HMGA2: variants seen among roughly 807,000 people sequenced by gnomAD.
HMGA2 encodes high mobility group AT-hook 2.
In HMGA2, 8 loss-of-function variants were observed where a neutral mutation model predicts 19.1. The ratio of observed to expected loss-of-function variants is 0.42; its 90% confidence interval spans 0.25 to 0.76. HMGA2 has a LOEUF of 0.76. Among genes scored for constraint, HMGA2 ranks in the 30% least tolerant of loss-of-function variants. The pLI, the probability that HMGA2 is intolerant of heterozygous loss-of-function variation, is 0.28. For synonymous variants in HMGA2, 60 were observed against 48.8 expected (o/e 1.23, Z -0.96); for missense variants, 109 against 136.3 (o/e 0.80, Z 1.00).
At chr12:65,853,261 C>A (rs1360584434) in intron 3 of HMGA2, among the ~76,000 whole-genome samples, 1 of 152,148 alleles carries the variant, frequency 6.6e-6, no homozygotes, top group Non-Finnish European at 1.5e-5. Flanking sequence ...TGAATACTTA[C>A]ATGTGATACC....
At chr12:65,870,533 C>T (rs917193874) in intron 3 of HMGA2, among the ~76,000 whole-genome samples, 1 of 152,082 alleles carries the variant, frequency 6.6e-6, no homozygotes, top group African/African-American at 2.4e-5. Context: ...GAGTTCGAGA[C>T]CAGCCTGGCC....
intron 3 of HMGA2, among the ~76,000 whole-genome samples, chr12:65,865,561 A>T (rs1232853648): frequency 6.6e-6 from 1 of 152,062 alleles, no homozygotes; most frequent in Non-Finnish European, 1.5e-5. Context: ...TGCTAGAATA[A>T]CATTTCTCCA....
chr12:65,825,218 G>T lies in HMGA2; in HGVS notation c.-53G>T. 1 of 1,452,238 alleles carries T rather than the reference G, an allele frequency of 6.9e-7. No homozygotes were observed. The highest frequency in any genetic ancestry group is 2.2e-4 in the Middle Eastern group (1 of 4,486). 90.0% of individuals were successfully genotyped at this position (1,452,238 alleles called of 1,614,324 possible). ...CTCCCGAAAGGTGCTGGGCAGCTCCGGGGCGGTCGAGGCGAAGCGGCTGCA... is the reference window on the plus strand; with the variant it reads ...CTCCCGAAAGGTGCTGGGCAGCTCCTGGGCGGTCGAGGCGAAGCGGCTGCA... On this transcript the variant is annotated 5_prime_UTR_variant, in exon 1 of 5. Transcript: ENST00000403681. This position sits in a 1 kb window ranked among gnomAD's most constrained non-coding sequence, Gnocchi z 4.4.
chr12:65,903,774 A>G (rs1388068348), intron 3 of HMGA2, among the ~76,000 whole-genome samples: 1 of 152,188 alleles, frequency 6.6e-6, no homozygotes, highest in Non-Finnish European at 1.5e-5. Flanking sequence ...AGAATTTCTG[A>G]ACTCAGAGTT....
intron 4 of HMGA2, chr12:65,956,659 C>T (rs528168385): frequency 6.6e-6 from 1 of 151,708 alleles, no homozygotes; most frequent in South Asian, 2.1e-4. Context: ...TATAAAACTC[C>T]AAAAAGCAAA....
At chr12:65,906,343 T>C (rs1399834536) in intron 3 of HMGA2, among the ~76,000 whole-genome samples, 1 of 152,160 alleles carries the variant, frequency 6.6e-6, no homozygotes, top group Non-Finnish European at 1.5e-5. Flanking sequence ...GTGCCTCCGA[T>C]GATAGCATCT....
intron 3 of HMGA2, among the ~76,000 whole-genome samples, chr12:65,844,520 AAC>A (rs1454198815): frequency 6.6e-6 from 1 of 152,238 alleles, no homozygotes; most frequent in Non-Finnish European, 1.5e-5. Context: ...TAAATATGAA[AAC>A]ACTAATAAGT....
intron 2 of HMGA2, among the ~76,000 whole-genome samples, chr12:65,833,720 A>T (rs537944561): frequency 6.6e-6 from 1 of 152,312 alleles, no homozygotes; most frequent in South Asian, 2.1e-4. Flanking sequence ...CTCTCCAAAG[A>T]ACAGACACTT....
chr12:65,884,983 T>C (rs1050962680), intron 3 of HMGA2, among the ~76,000 whole-genome samples: 1 of 152,218 alleles, frequency 6.6e-6, no homozygotes, highest in Non-Finnish European at 1.5e-5. Context: ...TCTATTTTAA[T>C]TGATATTCTA....
rs1315579267 is a variant in HMGA2, at chr12:65,828,485, G to GA, written c.198+403dup. The stretch of plus-strand genomic sequence containing the variant: ...TGGTAAAGTTTTTGCAATTTCCTCT[G>GA]AAAAATGATAAAGATTGATTTACTT... On this transcript the variant is annotated intron_variant, in intron 2 of 4. Transcript: ENST00000403681. The GA allele has an allele frequency of 1.4e-5, 3 of 220,384 alleles. No individual in the cohort carries two copies. In the East Asian group the frequency reaches 3.4e-4, roughly 25 times the overall value. 13.7% of individuals were successfully genotyped at this position (220,384 alleles called of 1,614,324 possible). A position where few individuals can be genotyped will look rare whatever the true frequency, so the allele number is the denominator to read the frequency against.
chr12:65,893,180 C>T (rs940467573), intron 3 of HMGA2, among the ~76,000 whole-genome samples: 3 of 152,120 alleles, frequency 2.0e-5, no homozygotes, highest in Non-Finnish European at 4.4e-5. Flanking sequence ...AATTACAGCT[C>T]AACTCTCGAA....
At chr12:65,863,710 C>T (rs1872233126) in intron 3 of HMGA2, among the ~76,000 whole-genome samples, 5 of 152,188 alleles carry the variant, frequency 3.3e-5, no homozygotes. Flanking sequence ...AATACCAAAT[C>T]CTGTGCCCAG....
chr12:65,847,891 G>C (rs1871295165), intron 3 of HMGA2, among the ~76,000 whole-genome samples: 1 of 152,062 alleles, frequency 6.6e-6, no homozygotes, highest in Non-Finnish European at 1.5e-5. Context: ...TTGTTTTCCA[G>C]TAATGAATGT....
At chr12:65,882,306 G>C (rs1012674174) in intron 3 of HMGA2, 3 of 217,028 alleles carry the variant, frequency 1.4e-5, no homozygotes, top group African/African-American at 4.5e-5. Flanking sequence ...GCTCCGGGCT[G>C]CGCTGCCAGG....
intron 3 of HMGA2, among the ~76,000 whole-genome samples, chr12:65,869,554 G>T (rs1214771206): frequency 1.3e-5 from 2 of 152,058 alleles, no homozygotes; most frequent in Admixed American, 1.3e-4. Flanking sequence ...CCACAAAATG[G>T]GCTAGAGATA....
At chr12:65,951,151 A>G (rs1009899201) in intron 3 of HMGA2, among the ~76,000 whole-genome samples, 16 of 151,342 alleles carry the variant, frequency 1.1e-4, no homozygotes, top group African/African-American at 3.9e-4. Flanking sequence ...CTGGTCTACA[A>G]CTCCTGGGCT....
At chr12:65,876,843 A>T (rs1326193124) in intron 3 of HMGA2, 1 of 152,300 alleles carries the variant, frequency 6.6e-6, no homozygotes, top group Non-Finnish European at 1.5e-5. Flanking sequence ...GATGCCCAGT[A>T]TTTGCCACAG....
rs956679648 is a variant in HMGA2, at chr12:65,880,782, T to TA, written c.249+42223dup. ...TCTTGGGGTTTAGGTTTCTTTTACT[T>TA]AAAAAAAAAATTCCTCTGATAAGTG... On this transcript the variant is annotated intron_variant, in intron 3 of 4. Transcript: ENST00000403681. Among the ~76,000 whole-genome samples, 29 of 150,736 alleles carry TA rather than the reference T, an allele frequency of 1.9e-4. No individual in the cohort carries two copies. In the East Asian group the frequency reaches 2.1e-3, roughly 11 times the overall value.
intron 4 of HMGA2, chr12:65,958,553 C>T (rs1393253784): frequency 6.6e-6 from 1 of 152,168 alleles, no homozygotes; most frequent in Non-Finnish European, 1.5e-5. Context: ...GGTCACTTAG[C>T]TACAGATGGA....
Sources: allele counts gnomAD v4.1 joint callset (sites outside exome capture counted in the v4.1 genomes callset), GRCh38; gene constraint gnomAD v4.1.1; non-coding constraint Gnocchi (gnomAD v3.1); transcripts MANE v1.5; gene names NCBI Gene and HGNC (gene_info 2026-07-23, HGNC 2026-07-21).